The following CUEDC1 variants were observed in gnomAD, a reference collection of about 807,000 sequenced individuals.
The protein encoded by CUEDC1 is CUE domain-containing protein 1.
Under a neutral mutation model 43.7 loss-of-function variants are expected in CUEDC1, and 30 were observed. That is an observed-to-expected ratio of 0.69 (90% CI 0.51 to 0.93). CUEDC1 has a LOEUF of 0.93. Among genes scored for constraint, CUEDC1 ranks in the 40% least tolerant of loss-of-function variants. The pLI, the probability that CUEDC1 is intolerant of heterozygous loss-of-function variation, is 0.00. For missense variants in CUEDC1, 486 were observed against 549.0 expected (o/e 0.89, Z 1.15); for synonymous variants, 223 against 223.6 (o/e 1.00, Z 0.02).
chr17:57,899,287 G>A (rs980904869), intron 1 of CUEDC1, among the ~76,000 whole-genome samples: 4 of 152,130 alleles, frequency 2.6e-5, no homozygotes, highest in Admixed American at 2.6e-4. Context: ...CCCTCCACCC[G>A]GCCTCAGCCC....
intron 1 of CUEDC1, among the ~76,000 whole-genome samples, chr17:57,891,002 A>G (rs2074348861): frequency 6.6e-6 from 1 of 152,222 alleles, no homozygotes; most frequent in Admixed American, 6.5e-5. Context: ...CACCAGTGAC[A>G]CAGGCTGCTG....
chr17:57,873,103 AT>A (rs2074058957), intron 4 of CUEDC1, among the ~76,000 whole-genome samples: 2 of 152,178 alleles, frequency 1.3e-5, no homozygotes, highest in Non-Finnish European at 2.9e-5. Context: ...TCATACCTTC[AT>A]CTACAACCTG....
chr17:57,875,107 C>T (rs934122890), intron 3 of CUEDC1, among the ~76,000 whole-genome samples: 1 of 152,120 alleles, frequency 6.6e-6, no homozygotes, highest in African/African-American at 2.4e-5. Flanking sequence ...CTGTTGGAGG[C>T]TTCATTTTTC....
intron 1 of CUEDC1, among the ~76,000 whole-genome samples, chr17:57,925,860 C>T (rs963298844): frequency 6.6e-6 from 1 of 152,214 alleles, no homozygotes; most frequent in Admixed American, 6.5e-5. Context: ...CCTGGTACTG[C>T]CAGCAAAGAT....
intron 1 of CUEDC1, among the ~76,000 whole-genome samples, chr17:57,936,200 G>A (rs1207166554): frequency 2.0e-5 from 3 of 152,272 alleles, no homozygotes; most frequent in East Asian, 1.9e-4. Context: ...GGACAAAAGC[G>A]GCTGAGGACA....
At chr17:57,872,909 C>G in intron 4 of CUEDC1, 54 bp from the exon 5 acceptor site, 1 of 1,501,448 alleles carries the variant, frequency 6.7e-7, no homozygotes, top group Non-Finnish European at 9.1e-7. Context: ...ACATGTTGCA[C>G]AAACGTCCAC....
intron 10 of CUEDC1, among the ~76,000 whole-genome samples, chr17:57,864,022 G>GAAAAGA (rs1568023907): frequency 7.0e-6 from 1 of 143,372 alleles, no homozygotes; most frequent in Non-Finnish European, 1.5e-5. Flanking sequence ...AAAAAAGAAA[G>GAAAAGA]AAAAGAAAAA....
At position 57,872,806 on chromosome 17, in the gene CUEDC1, G is replaced by T; in HGVS notation, c.641C>A (p.Ala214Asp). The T allele has an allele frequency of 6.2e-7, 1 of 1,614,194 alleles. No homozygotes were observed. The highest frequency in any genetic ancestry group is 8.5e-7 in the Non-Finnish European group (1 of 1,180,014). Reference protein sequence around the residue: ...KPGSGEGCPPAMAGPGPGDQE... With the variant: ...KPGSGEGCPPDMAGPGPGDQE... ...GTCTCCGGGCCCTGGCCCAGCCATG[G>T]CAGGTGGACATCCCTCTCCACTCCC... is the stretch of plus-strand genomic sequence containing the variant. Residue 214 changes from alanine to aspartate, a missense_variant, in exon 5 of 11, where the codon GCC becomes GAC. Ala to Asp is a moderately radical substitution (Grantham distance 126). Coordinates refer to ENST00000577830, the MANE Select transcript of CUEDC1 (RefSeq NM_001271875.2).
chr17:57,884,891 A>G (rs1476715280), intron 2 of CUEDC1, among the ~76,000 whole-genome samples: 2 of 152,142 alleles, frequency 1.3e-5, no homozygotes, highest in African/African-American at 2.4e-5. Context: ...GGAGTTCAGT[A>G]TGTTGGGGTG....
intron 1 of CUEDC1, among the ~76,000 whole-genome samples, chr17:57,937,210 T>C (rs547075496): frequency 6.6e-6 from 1 of 152,278 alleles, no homozygotes; most frequent in East Asian, 1.9e-4. Context: ...TAGTTAACAT[T>C]TGATTGCACA....
intron 6 of CUEDC1, 44 bp from the exon 7 acceptor site, chr17:57,869,237 A>G: frequency 1.3e-6 from 2 of 1,556,464 alleles, no homozygotes; most frequent in Non-Finnish European, 1.8e-6. Context: ...GTGGCCAGCC[A>G]TGGCCGCTGT....
At chr17:57,904,675 CAAGGAAATTGGGA>C (rs1046871107) in intron 1 of CUEDC1, among the ~76,000 whole-genome samples, 3 of 152,110 alleles carry the variant, frequency 2.0e-5, no homozygotes, top group African/African-American at 7.2e-5. Context: ...TTGAGGCCTT[CAAGGAAATTGGGA>C]GAAATGGGAC....
intron 1 of CUEDC1, among the ~76,000 whole-genome samples, chr17:57,941,343 C>T (rs540356628): frequency 6.6e-6 from 1 of 152,316 alleles, no homozygotes; most frequent in Admixed American, 6.5e-5. Flanking sequence ...GGTATAGTCT[C>T]CTTTCTTTAT....
At chr17:57,950,617 C>T (rs933565308) in intron 1 of CUEDC1, among the ~76,000 whole-genome samples, 5 of 151,974 alleles carry the variant, frequency 3.3e-5, no homozygotes, top group Admixed American at 1.3e-4. Flanking sequence ...AGATTACAGG[C>T]GCCCACCACC....
At chr17:57,886,316 G>T (rs1307603497) in intron 1 of CUEDC1, among the ~76,000 whole-genome samples, 2 of 152,208 alleles carry the variant, frequency 1.3e-5, no homozygotes, top group African/African-American at 4.8e-5. Context: ...TGAGGCAGGA[G>T]GGGCTCTTTA....
intron 1 of CUEDC1, among the ~76,000 whole-genome samples, chr17:57,925,493 G>C (rs1567719602): frequency 6.6e-6 from 1 of 150,554 alleles, no homozygotes; most frequent in Non-Finnish European, 1.5e-5. Context: ...TTAGCCCTTA[G>C]AGTGCTCTAA....
intron 2 of CUEDC1, 123 bp from the exon 3 acceptor site, chr17:57,879,861 A>T: frequency 2.0e-6 from 2 of 991,708 alleles, no homozygotes; most frequent in Non-Finnish European, 1.5e-6. Context: ...TGCTAGTGGG[A>T]GTGTAAATCG....
chr17:57,928,392 A>G (rs1418509737), intron 1 of CUEDC1, among the ~76,000 whole-genome samples: 1 of 152,046 alleles, frequency 6.6e-6, no homozygotes, highest in African/African-American at 2.4e-5. Context: ...TACTAAAAAT[A>G]CAAAAAATTA....
intron 1 of CUEDC1, among the ~76,000 whole-genome samples, chr17:57,946,354 GA>G (rs967064370): frequency 2.0e-5 from 3 of 152,150 alleles, no homozygotes; most frequent in African/African-American, 7.2e-5. Flanking sequence ...CTGAGGGAAG[GA>G]AACATCTGTG....
Sources: allele counts gnomAD v4.1 joint callset (sites outside exome capture counted in the v4.1 genomes callset), GRCh38; gene constraint gnomAD v4.1.1; transcripts MANE v1.5; gene names NCBI Gene and HGNC (gene_info 2026-07-23, HGNC 2026-07-21).